DGKH: variants seen among roughly 807,000 people sequenced by gnomAD.
DGKH encodes the protein DAG kinase eta.
A neutral mutation model predicts 159.3 loss-of-function variants in DGKH; 90 were observed. That is an observed-to-expected ratio of 0.57 (90% CI 0.48 to 0.67). The LOEUF (loss-of-function observed/expected upper bound fraction) is 0.67. DGKH is among the 30% of genes least tolerant of loss of function. DGKH has a pLI of 0.00. For synonymous variants in DGKH, 536 were observed against 553.8 expected, an observed-to-expected ratio of 0.97 and a Z score of 0.45; for missense variants, 1,181 against 1,506.1, an observed-to-expected ratio of 0.78 and a Z score of 3.57.
intron 1 of DGKH, among the ~76,000 whole-genome samples, chr13:42,106,886 C>CA (rs11284234): frequency 2.0e-5 from 3 of 151,854 alleles, no homozygotes; most frequent in South Asian, 2.1e-4. Context: ...ACTAAAAATA[C>CA]AAAAAAAAGT....
At chr13:42,096,789 T>C (rs577545834) in intron 1 of DGKH, among the ~76,000 whole-genome samples, 1 of 152,296 alleles carries the variant, frequency 6.6e-6, no homozygotes, top group African/African-American at 2.4e-5. Context: ...TGAGGTGGGG[T>C]TGAGGGAACC....
intron 1 of DGKH, among the ~76,000 whole-genome samples, chr13:42,108,876 C>T (rs888048578): frequency 2.7e-5 from 4 of 149,388 alleles, no homozygotes; most frequent in Non-Finnish European, 6.0e-5. Flanking sequence ...ACAGAGGCAG[C>T]GAGAGGATTC....
At chr13:42,251,673 C>T (rs192674396) in intron 29 of DGKH, among the ~76,000 whole-genome samples, 48 of 152,234 alleles carry the variant, frequency 3.2e-4, no homozygotes, top group African/African-American at 1.1e-3. Context: ...CCCTCCCATC[C>T]TCTCCACCTC....
chr13:42,210,863 A>G (rs771029769), intron 24 of DGKH, 98 bp downstream of exon 24: 22 of 1,049,036 alleles, frequency 2.1e-5, no homozygotes, highest in Non-Finnish European at 3.0e-5. Context: ...GTGGTATCAA[A>G]AAGAGATGCA....
chr13:42,231,051 C>G lies in DGKH; in HGVS notation c.*1863C>G, dbSNP rs1958279022. ...GGAAATTTTCCAAAGACAGTTATATCAAGTAGTTTAAAAAGTCATGAGGCA... is the reference window on the plus strand; with the variant it reads ...GGAAATTTTCCAAAGACAGTTATATGAAGTAGTTTAAAAAGTCATGAGGCA... On this transcript the variant is annotated 3_prime_UTR_variant, in exon 30 of 30. Coordinates refer to ENST00000337343, the MANE Select transcript of DGKH (RefSeq NM_178009.5). The G allele has an allele frequency of 6.6e-6, 1 of 152,060 alleles. No homozygotes were observed. The highest frequency in any genetic ancestry group is 6.6e-5 in the Admixed American group (1 of 15,264). The allele number at this position is 152,060 out of a possible 1,614,324, so 9.4% of individuals were successfully genotyped here.
intron 1 of DGKH, among the ~76,000 whole-genome samples, chr13:42,058,099 A>G (rs955128379): frequency 2.6e-5 from 4 of 152,170 alleles, no homozygotes; most frequent in African/African-American, 9.7e-5. Context: ...GTCTATGTGT[A>G]TGCCCCTCAG....
chr13:42,040,106 G>C (rs1273684551), exon 1 of DGKH: 5 of 152,302 alleles, frequency 3.3e-5, no homozygotes, highest in Non-Finnish European at 7.3e-5. Flanking sequence ...GTGCGGCTGA[G>C]TTTTCGCTCC....
At chr13:42,170,942 CAAAA>C (rs5803114) in intron 11 of DGKH, among the ~76,000 whole-genome samples, 80 of 136,070 alleles carry the variant, frequency 5.9e-4, no homozygotes, top group Admixed American at 7.9e-4. Context: ...GACTCTGTCT[CAAAA>C]AAAAAAAAAA....
chr13:42,180,017 A>G (rs927409369), intron 13 of DGKH, among the ~76,000 whole-genome samples: 1 of 152,230 alleles, frequency 6.6e-6, no homozygotes, highest in Non-Finnish European at 1.5e-5. Context: ...CTGACATCCA[A>G]ACTATAAAAA....
intron 1 of DGKH, among the ~76,000 whole-genome samples, chr13:42,042,552 G>A (rs1593938665): frequency 6.6e-6 from 1 of 152,198 alleles, no homozygotes; most frequent in East Asian, 1.9e-4. Flanking sequence ...TTAAAAATTA[G>A]GTTTATTTTC....
chr13:42,096,713 C>T (rs1167490522), intron 1 of DGKH, among the ~76,000 whole-genome samples: 2 of 152,166 alleles, frequency 1.3e-5, no homozygotes, highest in South Asian at 2.1e-4. Flanking sequence ...AAAATTGCTA[C>T]CCTACTGGAA....
intron 1 of DGKH, among the ~76,000 whole-genome samples, chr13:42,113,149 G>A (rs1040862467): frequency 6.6e-6 from 1 of 152,174 alleles, no homozygotes; most frequent in African/African-American, 2.4e-5. Flanking sequence ...TGTGTTTTAG[G>A]AAGATTTTGA....
At chr13:42,156,393 C>T (rs1305939056) in intron 5 of DGKH, among the ~76,000 whole-genome samples, 1 of 152,034 alleles carries the variant, frequency 6.6e-6, no homozygotes, top group African/African-American at 2.4e-5. Flanking sequence ...CAGTCAAGCA[C>T]CACCACACCT....
chr13:42,210,194 A>G (rs966368295), intron 23 of DGKH, among the ~76,000 whole-genome samples: 2 of 151,788 alleles, frequency 1.3e-5, no homozygotes, highest in African/African-American at 4.8e-5. Context: ...TTGTTTTGAA[A>G]CAGTCCTGCT....
chr13:42,226,188 GA>G (rs1481384854), intron 29 of DGKH, among the ~76,000 whole-genome samples: 3 of 152,000 alleles, frequency 2.0e-5, no homozygotes, highest in Non-Finnish European at 4.4e-5. Context: ...ACAAACATAT[GA>G]AAAAAAAGTT....
chr13:42,173,990 T>G (rs1320413238), intron 11 of DGKH, 70 bp from the exon 12 acceptor site: 49 of 1,080,610 alleles, frequency 4.5e-5, no homozygotes, highest in Non-Finnish European at 1.3e-5. Flanking sequence ...TGTGCGCGTT[T>G]ATGAGATGCT....
At chr13:42,209,615 T>A in intron 23 of DGKH, 150 bp downstream of exon 23, 1 of 1,030,002 alleles carries the variant, frequency 9.7e-7, no homozygotes, top group Non-Finnish European at 1.3e-6. Context: ...AATATTTATT[T>A]ATTTCAGTAG....
At chr13:42,102,289 G>A (rs923103371) in intron 1 of DGKH, among the ~76,000 whole-genome samples, 10 of 152,260 alleles carry the variant, frequency 6.6e-5, no homozygotes, top group Non-Finnish European at 1.5e-4. Flanking sequence ...GCTGGCTGCA[G>A]AGCAAAGAGG....
intron 1 of DGKH, among the ~76,000 whole-genome samples, chr13:42,083,906 C>T (rs1402573123): frequency 6.6e-6 from 1 of 152,200 alleles, no homozygotes; most frequent in Non-Finnish European, 1.5e-5. Context: ...GTTAAACCCA[C>T]TTTCAAGAAG....
Sources: gnomAD v4.1 joint callset for allele counts (sites outside exome capture counted in the v4.1 genomes callset) on GRCh38, gnomAD v4.1.1 for gene constraint, MANE v1.5 for transcripts, NCBI Gene and HGNC (gene_info 2026-07-23, HGNC 2026-07-21) for gene names.